The following TRAK1 variants were observed in gnomAD, a reference collection of about 807,000 sequenced individuals.
The protein encoded by TRAK1 is trafficking kinesin protein 1, also known as trafficking kinesin-binding protein 1.
TRAK1 carries 33 observed loss-of-function variants against 92.1 expected under a neutral mutation model. The ratio of observed to expected loss-of-function variants is 0.36; its 90% CI spans 0.27 to 0.48. The LOEUF is 0.48. Ranked by LOEUF, TRAK1 falls within the 20% of genes least tolerant of loss-of-function variation. The pLI is 0.99. For synonymous variants in TRAK1, 521 were observed against 517.3 expected (o/e 1.01, Z -0.10); for missense variants, 1,123 against 1,257.9 (o/e 0.89, Z 1.62).
intron 2 of TRAK1, among the ~76,000 whole-genome samples, chr3:42,162,780 G>A (rs1012868272): frequency 6.6e-6 from 1 of 152,178 alleles, no homozygotes; most frequent in African/African-American, 2.4e-5. Context: ...GGTTATACAG[G>A]CAAGAGGTCA....
At position 42,042,146 on chromosome 3, in the gene TRAK1, C is replaced by T. The variant is rs150092661; in HGVS notation, c.-519+28029C>T. Among the ~76,000 whole-genome samples the T allele has an allele frequency of 2.3e-3, 352 of 151,692 alleles. 2 individuals are homozygous for T. Among genetic ancestry groups the T allele is most frequent in the Non-Finnish European group, 3.9e-3 (265 of 67,880 alleles). On this transcript the variant is annotated intron_variant, in intron 1 of 16. Coordinates refer to the TRAK1 transcript ENST00000487159. The stretch of plus-strand genomic sequence containing the variant: ...TTCGCCATGTTGGCCAGGCTGGTCT[C>T]AAACTCCTGACTTCAGGTGATCCTC...
At chr3:42,025,940 A>G (rs762380620) in intron 1 of TRAK1, among the ~76,000 whole-genome samples, 3 of 152,140 alleles carry the variant, frequency 2.0e-5, no homozygotes, top group Non-Finnish European at 2.9e-5. Flanking sequence ...GAAATGCATC[A>G]CTATTTTTTT....
chr3:42,202,818 C>G lies in TRAK1; in HGVS notation c.1744+66C>G, dbSNP rs780558831. On this transcript the variant is annotated intron_variant, in intron 13 of 15. Coordinates refer to ENST00000327628, the MANE Select transcript of TRAK1 (RefSeq NM_001042646.3). The surrounding 1 kb of genome is among the most constrained non-coding windows in gnomAD (Gnocchi z 6.1). The stretch of plus-strand genomic sequence containing the variant: ...GGACTCCCTTTGGTCCCTGATCCAC[C>G]TGCGGAAGGCGGGGCACCTCTGTCA... The G allele has an allele frequency of 2.5e-6, 4 of 1,590,822 alleles. No homozygotes were observed. Among genetic ancestry groups the G allele is most frequent in the Non-Finnish European group, 3.4e-6 (4 of 1,164,502 alleles).
chr3:42,218,814 A>G (rs1710001846), intron 14 of TRAK1: 1 of 985,186 alleles, frequency 1.0e-6, no homozygotes. Context: ...GGGTATGGGG[A>G]CCTGTCCTGC....
intron 13 of TRAK1, chr3:42,203,515 T>G: frequency 1.0e-6 from 1 of 962,462 alleles, no homozygotes; most frequent in Non-Finnish European, 1.2e-6. Context: ...TTTTTTTTTT[T>G]AATTTAGGCA....
At chr3:42,016,725 G>C (rs928599793) in intron 1 of TRAK1, among the ~76,000 whole-genome samples, 4 of 152,184 alleles carry the variant, frequency 2.6e-5, no homozygotes, top group Non-Finnish European at 4.4e-5. Context: ...GCCAAGGAGA[G>C]TAAGCAGATA....
rs1167621563 is a variant in TRAK1, at chr3:42,224,503, T to A, written c.*766T>A. The A allele has an allele frequency of 1.8e-5, 3 of 168,492 alleles. No individual in the cohort carries two copies. Among genetic ancestry groups the A allele is most frequent in the Non-Finnish European group, 2.5e-5 (2 of 79,614 alleles). 10.4% of individuals were successfully genotyped at this position (168,492 alleles called of 1,614,324 possible). On this transcript the variant is annotated 3_prime_UTR_variant, in exon 16 of 16. Transcript: ENST00000327628. ...GTGATTTGTTTTATTTTTCCTTTTT[T>A]TTACATATATATGCAGGGAAGTAAT...
intron 2 of TRAK1, among the ~76,000 whole-genome samples, chr3:42,175,107 A>G (rs1383180645): frequency 6.6e-6 from 1 of 152,024 alleles, no homozygotes; most frequent in Non-Finnish European, 1.5e-5. Context: ...TTTTTTGAGG[A>G]GAGTGGGCGC....
chr3:42,076,108 T>C (rs1318445484), intron 1 of TRAK1, among the ~76,000 whole-genome samples: 1 of 151,288 alleles, frequency 6.6e-6, no homozygotes, highest in Non-Finnish European at 1.5e-5. Context: ...CCTCCCAAAG[T>C]GCTGGGATTA....
rs1708788986 is a variant in TRAK1, at chr3:42,209,876, C to G, written c.1854C>G (p.Asp618Glu). The G allele has an allele frequency of 6.2e-7, 1 of 1,614,062 alleles. No individual in the cohort carries two copies. The highest frequency in any genetic ancestry group is 1.7e-5 in the Admixed American group (1 of 60,000). Residue 618 changes from aspartate to glutamate, a missense_variant, in exon 14 of 16, where the codon GAC (aspartate) becomes GAG (glutamate). Physicochemically the swap from Asp to Glu is conservative, Grantham distance 45. Transcript: ENST00000327628. ...AGGGCTTCCGGACGCTGGATGTTGA[C>G]CTGGACGAAGTGTACTGCCTTAACG... is the stretch of plus-strand genomic sequence containing the variant. ...VTKGFRTLDV[D>E]LDEVYCLNDF...
At position 42,127,991 on chromosome 3, in the gene TRAK1, C is replaced by T. The variant is rs1443311280; in HGVS notation, c.286+2377C>T. Reference sequence around the variant, plus strand: ...GTTGGGAGTTTGAGACCAGCCTGACCAACGTGGAGAAACCCCATCTCTACT... The same window carrying T: ...GTTGGGAGTTTGAGACCAGCCTGACTAACGTGGAGAAACCCCATCTCTACT... On this transcript the variant is annotated intron_variant, in intron 2 of 15. Transcript: ENST00000327628. Among the ~76,000 whole-genome samples the T allele has an allele frequency of 2.6e-5, 4 of 152,088 alleles. No individual in the cohort carries two copies. The East Asian group carries it at 7.7e-4, about 29-fold the overall frequency.
At chr3:42,052,328 TG>T (rs909041686) in intron 1 of TRAK1, among the ~76,000 whole-genome samples, 3 of 152,192 alleles carry the variant, frequency 2.0e-5, no homozygotes, top group African/African-American at 7.2e-5. Context: ...AACTCAGGCA[TG>T]GGGGCCCAGC....
intron 3 of TRAK1, among the ~76,000 whole-genome samples, chr3:42,183,836 G>A (rs1704394704): frequency 1.3e-5 from 2 of 152,114 alleles, no homozygotes; most frequent in Non-Finnish European, 2.9e-5. Flanking sequence ...GTAGCAACTC[G>A]CTAAGTCTGC....
At chr3:42,193,009 A>G (rs968273602) in intron 7 of TRAK1, 66 bp from the exon 8 acceptor site, 12 of 1,582,406 alleles carry the variant, frequency 7.6e-6, no homozygotes, top group Non-Finnish European at 1.0e-5. Flanking sequence ...CAAAGAAACC[A>G]TTCTCTCTGG....
At chr3:42,214,249 G>A (rs2149522779) in intron 14 of TRAK1, among the ~76,000 whole-genome samples, 1 of 152,318 alleles carries the variant, frequency 6.6e-6, no homozygotes, top group East Asian at 1.9e-4. Flanking sequence ...GGAGCACCCT[G>A]TGTTGAGAGG....
chr3:42,186,641 C>A (rs1162882708), intron 4 of TRAK1, among the ~76,000 whole-genome samples: 1 of 152,214 alleles, frequency 6.6e-6, no homozygotes, highest in Non-Finnish European at 1.5e-5. Context: ...ACATGCCAGC[C>A]AGTAACTCAC....
upstream of TRAK1, among the ~76,000 whole-genome samples, chr3:42,085,476 C>G (rs1704627239): frequency 6.6e-6 from 1 of 152,154 alleles, no homozygotes; most frequent in Admixed American, 6.5e-5. Context: ...GTCAAAAATC[C>G]AAAATTTGAA....
intron 1 of TRAK1, among the ~76,000 whole-genome samples, chr3:42,038,051 C>G (rs546355227): frequency 6.6e-6 from 1 of 152,270 alleles, no homozygotes; most frequent in East Asian, 1.9e-4. Flanking sequence ...GGATGCTACC[C>G]TGAAGCTGCT....
intron 8 of TRAK1, 76 bp downstream of exon 8, chr3:42,193,281 A>G: frequency 6.3e-7 from 1 of 1,575,070 alleles, no homozygotes; most frequent in East Asian, 2.3e-5. Context: ...ACTCCAGAAG[A>G]CAGTGCTCTT....
Sources: allele counts gnomAD v4.1 joint callset (sites outside exome capture counted in the v4.1 genomes callset), GRCh38; gene constraint gnomAD v4.1.1; non-coding constraint Gnocchi (gnomAD v3.1); transcripts MANE v1.5; gene names NCBI Gene and HGNC (gene_info 2026-07-23, HGNC 2026-07-21).